The following RETREG1 variants were observed in gnomAD, a reference collection of about 807,000 sequenced individuals.
RETREG1 encodes family with sequence similarity 134 member B.
RETREG1 carries 44 observed loss-of-function variants against 54.8 expected under a neutral mutation model. That is an observed-to-expected ratio of 0.80 (90% confidence interval 0.63 to 1.03). The LOEUF (loss-of-function observed/expected upper bound fraction) is 1.03. Ranked by LOEUF, RETREG1 falls within the 50% of genes least tolerant of loss-of-function variation. The probability of loss-of-function intolerance (pLI) is 0.00; values close to 1 mark genes in which losing one functional copy is unlikely to be tolerated. For synonymous variants in RETREG1, 217 were observed against 238.5 expected, an observed-to-expected ratio of 0.91 and a Z score of 0.83; for missense variants, 554 against 605.1, an observed-to-expected ratio of 0.92 and a Z score of 0.89.
At chr5:16,555,259 C>T (rs1322906919) in intron 3 of RETREG1, among the ~76,000 whole-genome samples, 1 of 152,204 alleles carries the variant, frequency 6.6e-6, no homozygotes. Context: ...TCAAGCAATT[C>T]TCCTGCCTCA....
At chr5:16,538,486 C>T (rs1037307805) in intron 3 of RETREG1, among the ~76,000 whole-genome samples, 4 of 152,162 alleles carry the variant, frequency 2.6e-5, no homozygotes, top group Non-Finnish European at 4.4e-5. Flanking sequence ...TTCATGATCT[C>T]ATTTAATCCT....
At chr5:16,591,398 G>A (rs982498485) in intron 1 of RETREG1, among the ~76,000 whole-genome samples, 16 of 152,270 alleles carry the variant, frequency 1.1e-4, no homozygotes, top group South Asian at 8.3e-4. Context: ...CTGAGAGCCC[G>A]AGAGCCAGAA....
chr5:16,606,212 A>G (rs1743187031), intron 1 of RETREG1, among the ~76,000 whole-genome samples: 1 of 152,106 alleles, frequency 6.6e-6, no homozygotes, highest in Non-Finnish European at 1.5e-5. Context: ...GGAAGGAGCA[A>G]TTGCAAGTCA....
At chr5:16,520,870 G>A (rs1185329499) in intron 3 of RETREG1, among the ~76,000 whole-genome samples, 1 of 152,148 alleles carries the variant, frequency 6.6e-6, no homozygotes, top group Non-Finnish European at 1.5e-5. Context: ...AGAGGAGCAG[G>A]AGGTGGCAGG....
intron 3 of RETREG1, among the ~76,000 whole-genome samples, chr5:16,554,359 C>T (rs1004130557): frequency 6.6e-6 from 1 of 152,188 alleles, no homozygotes; most frequent in African/African-American, 2.4e-5. Flanking sequence ...TAACCAGCGC[C>T]TGCCTCTCCA....
At chr5:16,595,603 C>T (rs964576728) in intron 1 of RETREG1, among the ~76,000 whole-genome samples, 2 of 152,170 alleles carry the variant, frequency 1.3e-5, no homozygotes, top group African/African-American at 4.8e-5. Flanking sequence ...GAGTTACTCT[C>T]GTCATTAAGA....
chr5:16,536,330 G>A (rs1465621572), intron 3 of RETREG1, among the ~76,000 whole-genome samples: 1 of 152,162 alleles, frequency 6.6e-6, no homozygotes, highest in Non-Finnish European at 1.5e-5. Context: ...TTCATTCCCA[G>A]AGAGAAGCTC....
At chr5:16,476,757 G>C (rs1724589855) in intron 8 of RETREG1, among the ~76,000 whole-genome samples, 2 of 151,728 alleles carry the variant, frequency 1.3e-5, no homozygotes, top group Non-Finnish European at 2.9e-5. Context: ...CTGTCAATAG[G>C]GTTGGGGGTG....
intron 3 of RETREG1, among the ~76,000 whole-genome samples, chr5:16,554,626 C>T (rs958377592): frequency 6.6e-6 from 1 of 152,152 alleles, no homozygotes; most frequent in Non-Finnish European, 1.5e-5. Flanking sequence ...CATTTATGTA[C>T]CAACATACAA....
intron 3 of RETREG1, among the ~76,000 whole-genome samples, chr5:16,543,608 G>A (rs550071364): frequency 4.7e-4 from 71 of 151,842 alleles, no homozygotes; most frequent in Middle Eastern, 6.8e-3. Flanking sequence ...CCCAGGAGGC[G>A]GAGGTTGCAG....
In RETREG1 at chr5:16,547,550, T is replaced by C. The variant is rs182975707; in HGVS notation, c.458+18213A>G. Among the ~76,000 whole-genome samples the C allele has an allele frequency of 2.0e-3, 311 of 152,294 alleles. 2 individuals carry two copies. The highest frequency in any genetic ancestry group is 7.2e-3 in the African/African-American group (300 of 41,564). On this transcript the variant is annotated intron_variant, in intron 3 of 8. Coordinates refer to ENST00000306320, the MANE Select transcript of RETREG1 (RefSeq NM_001034850.3). ...ATTTAATTTATGGCCCAAAAATAAA[T>C]AACTTATGTTTCAGTAGCATTGATT...
chr5:16,477,858 A>G lies in RETREG1; in HGVS notation c.874-70T>C, dbSNP rs887357513. On this transcript the variant is annotated intron_variant, in intron 7 of 8. Transcript: ENST00000306320. ...GAAGGGAATATTTTGAAAAATCCAT[A>G]TGAACCCCCAAAATGACAGAGTAAT... 7 of 1,571,416 alleles carry G rather than the reference A, an allele frequency of 4.5e-6. No homozygotes were observed. In the South Asian group the frequency reaches 6.7e-5, roughly 15 times the overall value.
chr5:16,616,829 C>T lies in RETREG1; in HGVS notation c.143G>A (p.Gly48Glu). ...CTGCAACCCCGCGCCCTCCGCCGCC[C>T]CAGCTTCCTGCGCTTCCTCCTCCTG... ...QQQEEEAQEA[G>E]AAEGAGLQVE... Residue 48 changes from glycine to glutamate, a missense_variant, in exon 1 of 9, where the codon GGG becomes GAG. By Grantham distance (98) the Gly-to-Glu change is moderately conservative. Coordinates refer to ENST00000306320, the MANE Select transcript of RETREG1 (RefSeq NM_001034850.3). 6.6e-7 allele frequency: 1 copy of T among 1,515,602 alleles called. No individual in the cohort carries two copies. Among genetic ancestry groups the T allele is most frequent in the South Asian group, 1.2e-5 (1 of 82,092 alleles). The allele number at this position is 1,515,602 out of a possible 1,614,324, so 93.9% of individuals were successfully genotyped here. A position where few individuals can be genotyped will look rare whatever the true frequency, so the allele number is the denominator to read the frequency against.
At chr5:16,505,665 C>T (rs1393036367) in intron 3 of RETREG1, among the ~76,000 whole-genome samples, 3 of 152,196 alleles carry the variant, frequency 2.0e-5, no homozygotes, top group South Asian at 2.1e-4. Context: ...GGGACCGTCC[C>T]CCTTTCCACA....
chr5:16,607,725 T>C (rs1177482726), intron 1 of RETREG1, among the ~76,000 whole-genome samples: 2 of 151,996 alleles, frequency 1.3e-5, no homozygotes, highest in East Asian at 3.9e-4. Flanking sequence ...GTATTGCTTA[T>C]TTCATGTCAT....
Position 16,474,681 on chromosome 5 carries a change from T to C in RETREG1, c.*60A>G. 1 of 1,561,456 alleles carries C rather than the reference T, an allele frequency of 6.4e-7. No individual in the cohort carries two copies. The highest frequency in any genetic ancestry group is 2.0e-5 in the Admixed American group (1 of 48,904). ...TTTTTTTCTTTTCCTTTTTTTTTTT[T>C]TTTTCTTGTTTGAAATTTTTTTGGT... is the stretch of plus-strand genomic sequence containing the variant. On this transcript the variant is annotated 3_prime_UTR_variant, in exon 9 of 9. Transcript: ENST00000306320.
Position 16,616,748 on chromosome 5 carries a change from G to C in RETREG1, c.224C>G (p.Pro75Arg), listed in dbSNP as rs780380167. 3 of 1,571,274 alleles carry C rather than the reference G, an allele frequency of 1.9e-6. No individual in the cohort carries two copies. In the South Asian group the frequency reaches 3.4e-5, roughly 18 times the overall value. Residue 75 changes from proline to arginine, a missense_variant, in exon 1 of 9, where the codon CCG (proline) becomes CGG (arginine). By Grantham distance (103) the Pro-to-Arg change is moderately radical. This residue lies in a region of RETREG1 where 175 missense variants were observed against 142.1 expected (regional missense o/e 1.23). Transcript: ENST00000306320. Reference sequence around the variant, plus strand: ...GGCGCGGCAGCCCAGCCACAGCACCGGCTCCCCGAGCAGCCAGGTTACCGC... The same window carrying C: ...GGCGCGGCAGCCCAGCCACAGCACCCGCTCCCCGAGCAGCCAGGTTACCGC... Reference protein sequence around the residue: ...AAAVTWLLGEPVLWLGCRADE... With the variant: ...AAAVTWLLGERVLWLGCRADE...
chr5:16,480,106 A>G (rs1028616611), intron 5 of RETREG1, among the ~76,000 whole-genome samples: 9 of 151,962 alleles, frequency 5.9e-5, no homozygotes, highest in Admixed American at 2.6e-4. Context: ...AAGTTTTCTC[A>G]TGGTTTTATT....
chr5:16,549,304 T>G (rs551022080), intron 3 of RETREG1, among the ~76,000 whole-genome samples: 2 of 152,226 alleles, frequency 1.3e-5, no homozygotes, highest in African/African-American at 4.8e-5. Context: ...TAGCTAACTT[T>G]CTAAGTGCTC....
Sources: allele counts gnomAD v4.1 joint callset (sites outside exome capture counted in the v4.1 genomes callset), GRCh38; gene constraint gnomAD v4.1.1; regional missense constraint gnomAD v4.1.1; transcripts MANE v1.5; gene names NCBI Gene and HGNC (gene_info 2026-07-23, HGNC 2026-07-21).